PRRX2: variants seen among roughly 807,000 people sequenced by gnomAD.
The protein encoded by PRRX2 is paired related homeobox 2.
PRRX2 carries 11 observed loss-of-function variants against 18.0 expected under a neutral mutation model. The ratio of observed to expected loss-of-function variants is 0.61; its 90% confidence interval spans 0.39 to 1.01. The LOEUF is 1.01. PRRX2 is among the 50% of genes least tolerant of loss of function. PRRX2 has a pLI of 0.01. For synonymous variants in PRRX2, 177 were observed against 154.8 expected, an observed-to-expected ratio of 1.14 and a Z score of -1.06; for missense variants, 387 against 351.0, an observed-to-expected ratio of 1.10 and a Z score of -0.82.
chr9:129,688,733 G>T (rs757331983), intron 1 of PRRX2, among the ~76,000 whole-genome samples: 1 of 152,220 alleles, frequency 6.6e-6, no homozygotes, highest in Non-Finnish European at 1.5e-5. Flanking sequence ...GGAACCCAGT[G>T]TGAGGAGGCT....
intron 1 of PRRX2, among the ~76,000 whole-genome samples, chr9:129,689,014 T>G (rs1162044538): frequency 2.0e-5 from 3 of 152,230 alleles, no homozygotes. Flanking sequence ...AGGTGAAGTG[T>G]GCACGAGGCC....
intron 1 of PRRX2, among the ~76,000 whole-genome samples, chr9:129,707,226 A>G (rs926232076): frequency 4.6e-5 from 7 of 152,176 alleles, no homozygotes; most frequent in Non-Finnish European, 5.9e-5. Context: ...ACTGCACTCC[A>G]GCCTGGGCAA....
Position 129,702,792 on chromosome 9 carries a change from C to G in PRRX2, c.260-16439C>G, listed in dbSNP as rs114046799. ...ACAAGCTTCCCGGGGAATTCCCAGGCAAATTGTCAGTGGACTCCCTTTTAA... is the reference window on the plus strand; with the variant it reads ...ACAAGCTTCCCGGGGAATTCCCAGGGAAATTGTCAGTGGACTCCCTTTTAA... On this transcript the variant is annotated intron_variant, in intron 1 of 3. Coordinates refer to ENST00000372469, the MANE Select transcript of PRRX2 (RefSeq NM_016307.4). 4.5e-3 allele frequency among the ~76,000 whole-genome samples: 681 copies of G among 152,258 alleles called. 5 individuals carry two copies. The highest frequency in any genetic ancestry group is 0.015 in the African/African-American group (633 of 41,556).
chr9:129,696,354 C>T (rs2130921573), intron 1 of PRRX2, among the ~76,000 whole-genome samples: 1 of 152,270 alleles, frequency 6.6e-6, no homozygotes, highest in South Asian at 2.1e-4. Context: ...GCGGATGGAT[C>T]GCTTGAGCCC....
chr9:129,697,105 AGCCTTG>A (rs1185645376), intron 1 of PRRX2, among the ~76,000 whole-genome samples: 1 of 152,086 alleles, frequency 6.6e-6, no homozygotes, highest in Non-Finnish European at 1.5e-5. Flanking sequence ...CCTGGCCCTT[AGCCTTG>A]GCCTTGGCCG....
intron 1 of PRRX2, among the ~76,000 whole-genome samples, chr9:129,705,939 C>T (rs1832551701): frequency 6.6e-6 from 1 of 151,858 alleles, no homozygotes; most frequent in Non-Finnish European, 1.5e-5. Flanking sequence ...AGGCCCCTGA[C>T]CTCTTGGGGC....
chr9:129,684,207 A>G (rs189949595), intron 1 of PRRX2, among the ~76,000 whole-genome samples: 1 of 152,236 alleles, frequency 6.6e-6, no homozygotes, highest in East Asian at 1.9e-4. Context: ...TTGGCATTAT[A>G]TCAGTCAAGG....
chr9:129,714,419 A>AG (rs1354162340), intron 1 of PRRX2, among the ~76,000 whole-genome samples: 1 of 150,762 alleles, frequency 6.6e-6, no homozygotes, highest in East Asian at 2.0e-4. Flanking sequence ...AAAAAAAAAA[A>AG]GTAATAAAAT....
chr9:129,699,267 A>G (rs1832466221), intron 1 of PRRX2, among the ~76,000 whole-genome samples: 1 of 152,006 alleles, frequency 6.6e-6, no homozygotes, highest in Admixed American at 6.6e-5. Context: ...AAATATATAC[A>G]CACAAAATTA....
intron 1 of PRRX2, among the ~76,000 whole-genome samples, chr9:129,681,113 C>T (rs1212235915): frequency 6.6e-6 from 1 of 152,358 alleles, no homozygotes; most frequent in Non-Finnish European, 1.5e-5. Flanking sequence ...CTGAGCCAGT[C>T]CCCGGGCTCC....
chr9:129,673,229 G>A (rs1397017713), intron 1 of PRRX2, among the ~76,000 whole-genome samples: 3 of 152,162 alleles, frequency 2.0e-5, no homozygotes, highest in Admixed American at 1.3e-4. Flanking sequence ...CTGGAGGATT[G>A]CTTAAGACCA....
At chr9:129,697,540 A>C (rs955088518) in intron 1 of PRRX2, among the ~76,000 whole-genome samples, 4 of 151,016 alleles carry the variant, frequency 2.6e-5, no homozygotes, top group African/African-American at 9.7e-5. Context: ...GCGCGCTCGC[A>C]CGCACTGGCT....
At position 129,696,355 on chromosome 9, in the gene PRRX2, G is replaced by A. The variant is rs1255447560; in HGVS notation, c.260-22876G>A. Reference sequence around the variant, plus strand: ...TTTGGGAGGCTGAGGCGGATGGATCGCTTGAGCCCAGGGGTTAGGCACCAG... The same window carrying A: ...TTTGGGAGGCTGAGGCGGATGGATCACTTGAGCCCAGGGGTTAGGCACCAG... On this transcript the variant is annotated intron_variant, in intron 1 of 3. Transcript: ENST00000372469. Among the ~76,000 whole-genome samples, 10 of 152,280 alleles carry A rather than the reference G, an allele frequency of 6.6e-5. No homozygotes were observed. In the East Asian group the frequency reaches 1.4e-3, roughly 21 times the overall value.
At chr9:129,703,743 G>T (rs1323907574) in intron 1 of PRRX2, among the ~76,000 whole-genome samples, 6 of 152,222 alleles carry the variant, frequency 3.9e-5, no homozygotes, top group Non-Finnish European at 8.8e-5. Context: ...GCGGTGAGGG[G>T]CGCGGCAGAA....
chr9:129,677,394 C>T (rs923539403), intron 1 of PRRX2, among the ~76,000 whole-genome samples: 2 of 152,256 alleles, frequency 1.3e-5, no homozygotes, highest in Non-Finnish European at 2.9e-5. Flanking sequence ...GGCCACCTCA[C>T]GCCGGTGCCT....
chr9:129,666,090 G>C lies in PRRX2; in HGVS notation c.223G>C (p.Gly75Arg). ...GGAGGGCGCAGCACGGGAGCCGTCC[G>C]GGGGCAGCAGCGGCAGCGAGGCGGC... ...AREGAAREPS[G>R]GSSGSEAAPQ... Residue 75 changes from glycine (G) to arginine (R), a missense_variant, in exon 1 of 4, where the codon GGG (glycine) becomes CGG (arginine). By Grantham distance (125) the Gly-to-Arg change is moderately radical. Transcript: ENST00000372469. 9.7e-7 allele frequency: 1 copy of C among 1,033,056 alleles called. No homozygotes were observed. Among genetic ancestry groups the C allele is most frequent in the Non-Finnish European group, 1.2e-6 (1 of 863,120 alleles). 64.0% of individuals were successfully genotyped at this position (1,033,056 alleles called of 1,614,324 possible). A position where few individuals can be genotyped will look rare whatever the true frequency, so the allele number is the denominator to read the frequency against.
At chr9:129,670,224 C>T (rs1345563575) in intron 1 of PRRX2, among the ~76,000 whole-genome samples, 1 of 151,722 alleles carries the variant, frequency 6.6e-6, no homozygotes, top group Admixed American at 6.6e-5. Context: ...ACATTGTATC[C>T]GTTCACCCAT....
chr9:129,702,507 A>G (rs180999538), intron 1 of PRRX2, among the ~76,000 whole-genome samples: 10 of 152,348 alleles, frequency 6.6e-5, no homozygotes, highest in Admixed American at 3.9e-4. Context: ...AGCCCTTGAA[A>G]TGTGGCCTGT....
intron 2 of PRRX2, among the ~76,000 whole-genome samples, chr9:129,720,243 A>AGCCTCTCCCCCCGAGTGCTCAGCAAGC (rs1564157092): frequency 1.3e-5 from 1 of 79,642 alleles, no homozygotes; most frequent in African/African-American, 5.1e-5. Context: ...GCTCAGCAAG[A>AGCCTCTCCCCCCGAGTGCTCAGCAAGC]GCCTCTCCCC....
Sources: allele counts gnomAD v4.1 joint callset (sites outside exome capture counted in the v4.1 genomes callset), GRCh38; gene constraint gnomAD v4.1.1; transcripts MANE v1.5; gene names NCBI Gene and HGNC (gene_info 2026-07-23, HGNC 2026-07-21).